Variants in RTN4RL1 observed in about 807,000 individuals in gnomAD.
The protein encoded by RTN4RL1 is reticulon-4 receptor-like 1.
RTN4RL1 carries 7 observed loss-of-function variants against 25.6 expected under a neutral mutation model. The observed-to-expected ratio is 0.27, with a 90% confidence interval of 0.16 to 0.51. The LOEUF is 0.51. RTN4RL1 is among the 20% of genes least tolerant of loss of function. RTN4RL1 has a pLI of 0.97. For missense variants in RTN4RL1, 500 were observed against 615.6 expected (o/e 0.81, Z 1.99); for synonymous variants, 297 against 288.2 (o/e 1.03, Z -0.31).
chr17:1,996,527 T>G (rs1278001043), intron 1 of RTN4RL1, among the ~76,000 whole-genome samples: 1 of 152,084 alleles, frequency 6.6e-6, no homozygotes, highest in African/African-American at 2.4e-5. Context: ...CTTCCGGATG[T>G]GATCCTCGCT....
intron 1 of RTN4RL1, among the ~76,000 whole-genome samples, chr17:1,938,398 G>A (rs997149618): frequency 6.6e-6 from 1 of 151,974 alleles, no homozygotes; most frequent in Non-Finnish European, 1.5e-5. Context: ...CGCCTCCGGG[G>A]TTCAAGTGAT....
intron 1 of RTN4RL1, chr17:2,020,053 A>T (rs1176136406): frequency 6.6e-6 from 1 of 152,098 alleles, no homozygotes; most frequent in Non-Finnish European, 1.5e-5. Context: ...TTTCTGGCAT[A>T]AGGACCCGGA....
intron 1 of RTN4RL1, among the ~76,000 whole-genome samples, chr17:1,939,194 T>C (rs1009476567): frequency 2.7e-5 from 4 of 149,496 alleles, no homozygotes; most frequent in South Asian, 2.1e-4. Flanking sequence ...CTACTAAAAA[T>C]ACAAAAAAAT....
intron 1 of RTN4RL1, among the ~76,000 whole-genome samples, chr17:1,972,868 G>T (rs976578888): frequency 1.3e-5 from 2 of 152,218 alleles, no homozygotes; most frequent in African/African-American, 4.8e-5. Context: ...CTCCAGAGGG[G>T]ACCAGGCCAG....
intron 1 of RTN4RL1, among the ~76,000 whole-genome samples, chr17:1,977,167 G>A (rs2066845808): frequency 6.6e-6 from 1 of 152,238 alleles, no homozygotes; most frequent in Admixed American, 6.5e-5. Context: ...GTGAAAATGG[G>A]TCAATCTACG....
intron 1 of RTN4RL1, among the ~76,000 whole-genome samples, chr17:1,942,574 C>A (rs1410258494): frequency 6.6e-6 from 1 of 152,126 alleles, no homozygotes; most frequent in Non-Finnish European, 1.5e-5. Flanking sequence ...GAGTATGAAT[C>A]TGGGAACCAG....
chr17:1,970,473 C>A (rs1295770167), intron 1 of RTN4RL1, among the ~76,000 whole-genome samples: 1 of 152,218 alleles, frequency 6.6e-6, no homozygotes, highest in African/African-American at 2.4e-5. Context: ...CTTACTTTCA[C>A]TGCATTCTAC....
At chr17:2,005,959 C>A (rs2066992436) in intron 1 of RTN4RL1, among the ~76,000 whole-genome samples, 1 of 151,016 alleles carries the variant, frequency 6.6e-6, no homozygotes, top group African/African-American at 2.4e-5. Context: ...GCCACGCCCG[C>A]CTTATTTTTT....
intron 1 of RTN4RL1, among the ~76,000 whole-genome samples, chr17:1,954,383 CTTTTTTTT>C (rs55654151): frequency 8.0e-6 from 1 of 124,356 alleles, no homozygotes; most frequent in African/African-American, 3.3e-5. Flanking sequence ...TGCTTCCTTC[CTTTTTTTT>C]TTTTTTTTTT....
intron 1 of RTN4RL1, chr17:1,995,719 T>A (rs1036554181): frequency 7.2e-5 from 11 of 152,286 alleles, no homozygotes; most frequent in Non-Finnish European, 1.3e-4. Flanking sequence ...CAAGTCCTTA[T>A]CTTCTTGCTA....
chr17:2,023,926 C>CG (rs528133688), intron 1 of RTN4RL1, among the ~76,000 whole-genome samples: 18,960 of 152,022 alleles, frequency 0.12, 1,449 homozygotes, highest in Middle Eastern at 0.23. Flanking sequence ...GGGCCAGGCG[C>CG]GGGGGGGATC....
At chr17:2,016,104 G>A (rs1597252966) in intron 1 of RTN4RL1, among the ~76,000 whole-genome samples, 2 of 152,230 alleles carry the variant, frequency 1.3e-5, no homozygotes, top group East Asian at 3.8e-4. Flanking sequence ...TTGAAGGCCG[G>A]GCGCGGTGGC....
intron 1 of RTN4RL1, among the ~76,000 whole-genome samples, chr17:1,940,437 G>A (rs1915417314): frequency 6.6e-6 from 1 of 152,058 alleles, no homozygotes; most frequent in Admixed American, 6.5e-5. Context: ...TCCTACCTCA[G>A]TTTCCCCTCC....
At chr17:2,000,890 C>T (rs1167661005) in intron 1 of RTN4RL1, among the ~76,000 whole-genome samples, 4 of 152,100 alleles carry the variant, frequency 2.6e-5, no homozygotes, top group Admixed American at 1.3e-4. Context: ...CCCAGCCTCA[C>T]CTTCAGCCCC....
At chr17:1,981,281 TGA>T (rs2066866197) in intron 1 of RTN4RL1, among the ~76,000 whole-genome samples, 1 of 152,134 alleles carries the variant, frequency 6.6e-6, no homozygotes, top group African/African-American at 2.4e-5. Context: ...CCTGGGAGGC[TGA>T]GGAGGGAGGA....
At chr17:1,979,726 G>T (rs1228889231) in intron 1 of RTN4RL1, among the ~76,000 whole-genome samples, 1 of 152,232 alleles carries the variant, frequency 6.6e-6, no homozygotes, top group Non-Finnish European at 1.5e-5. Context: ...GACCAGGACA[G>T]AAAAGGGGAA....
intron 1 of RTN4RL1, among the ~76,000 whole-genome samples, chr17:1,983,138 C>T (rs991601474): frequency 6.6e-6 from 1 of 152,054 alleles, no homozygotes; most frequent in Admixed American, 6.6e-5. Flanking sequence ...GCAACCTCCA[C>T]CTCCCAGGTT....
At chr17:1,946,496 A>G (rs930562433) in intron 1 of RTN4RL1, among the ~76,000 whole-genome samples, 1 of 151,856 alleles carries the variant, frequency 6.6e-6, no homozygotes. Flanking sequence ...CTGTGGGTGC[A>G]CGGGGTCTGC....
At chr17:2,020,713 A>G (rs527618728) in intron 1 of RTN4RL1, 31 of 152,376 alleles carry the variant, frequency 2.0e-4, no homozygotes, top group African/African-American at 7.2e-4. Flanking sequence ...GACAGTTATA[A>G]GATTTTAAAT....
Sources: gnomAD v4.1 joint callset for allele counts (sites outside exome capture counted in the v4.1 genomes callset) on GRCh38, gnomAD v4.1.1 for gene constraint, MANE v1.5 for transcripts, NCBI Gene and HGNC (gene_info 2026-07-23, HGNC 2026-07-21) for gene names.